COL24A1: variants seen among roughly 807,000 people sequenced by gnomAD.
COL24A1 encodes collagen type XXIV alpha 1 chain, also known as collagen alpha-1(XXIV) chain.
Under a neutral mutation model 253.9 loss-of-function variants are expected in COL24A1, and 224 were observed. The ratio of observed to expected loss-of-function variants is 0.88; its 90% CI spans 0.79 to 0.99. The LOEUF is 0.99. COL24A1 is among the 50% of genes least tolerant of loss of function. The pLI is 0.00. For missense variants in COL24A1, 2,131 were observed against 2,068.5 expected (o/e 1.03, Z -0.59); for synonymous variants, 685 against 673.7 (o/e 1.02, Z -0.26).
intron 46 of COL24A1, among the ~76,000 whole-genome samples, chr1:85,817,325 T>A (rs186711702): frequency 6.6e-6 from 1 of 152,360 alleles, no homozygotes; most frequent in Non-Finnish European, 1.5e-5. Context: ...GCTGCCACTT[T>A]GAATCAGATA....
chr1:85,788,083 T>C (rs1346079224), intron 47 of COL24A1, among the ~76,000 whole-genome samples: 1 of 152,096 alleles, frequency 6.6e-6, no homozygotes, highest in Non-Finnish European at 1.5e-5. Flanking sequence ...TTTTTTAATT[T>C]TAATTTTATT....
At chr1:86,017,307 TATC>T in intron 18 of COL24A1, 103 bp from the exon 19 acceptor site, 1 of 1,011,836 alleles carries the variant, frequency 9.9e-7, no homozygotes, top group South Asian at 1.7e-5. Flanking sequence ...GTCATTATAT[TATC>T]ATGTCAAACA....
At chr1:85,774,179 T>C (rs946717809) in intron 53 of COL24A1, among the ~76,000 whole-genome samples, 3 of 152,186 alleles carry the variant, frequency 2.0e-5, no homozygotes, top group Admixed American at 2.0e-4. Context: ...TGCTTATTAA[T>C]TTGCGTATGT....
intron 31 of COL24A1, among the ~76,000 whole-genome samples, chr1:85,895,594 AAT>A (rs1683591694): frequency 6.6e-6 from 1 of 152,156 alleles, no homozygotes; most frequent in Admixed American, 6.5e-5. Context: ...CAAATAAAAC[AAT>A]GACCCAATGA....
chr1:85,763,887 A>G (rs1667093802), intron 53 of COL24A1, among the ~76,000 whole-genome samples: 1 of 152,176 alleles, frequency 6.6e-6, no homozygotes, highest in African/African-American at 2.4e-5. Context: ...TGAAAACAAG[A>G]TTCTCTTTTC....
chr1:85,868,419 G>C, intron 37 of COL24A1, 100 bp downstream of exon 37: 1 of 728,968 alleles, frequency 1.4e-6, no homozygotes, highest in Non-Finnish European at 2.3e-6. Context: ...ATTATCCACT[G>C]GATATATAAG....
At chr1:85,812,525 C>A (rs557468669) in intron 47 of COL24A1, among the ~76,000 whole-genome samples, 58 of 152,168 alleles carry the variant, frequency 3.8e-4, no homozygotes, top group African/African-American at 1.3e-3. Context: ...GCTTGAGATA[C>A]GGATCTACAT....
chr1:86,122,145 T>G (rs755852545), intron 3 of COL24A1, among the ~76,000 whole-genome samples: 4 of 152,012 alleles, frequency 2.6e-5, no homozygotes, highest in Non-Finnish European at 4.4e-5. Flanking sequence ...CAACAATGAC[T>G]TCTTCATCAA....
chr1:86,013,991 G>A (rs1696773563), intron 19 of COL24A1, among the ~76,000 whole-genome samples: 1 of 152,172 alleles, frequency 6.6e-6, no homozygotes, highest in Non-Finnish European at 1.5e-5. Context: ...TTACTCTTGA[G>A]ATTTAGTTTC....
chr1:86,076,721 T>C (rs1419468337), intron 7 of COL24A1, among the ~76,000 whole-genome samples: 1 of 152,056 alleles, frequency 6.6e-6, no homozygotes, highest in East Asian at 1.9e-4. Flanking sequence ...TTGACAAACC[T>C]GACAAAAACA....
chr1:85,788,345 C>T (rs1020831161), intron 47 of COL24A1, among the ~76,000 whole-genome samples: 7 of 152,132 alleles, frequency 4.6e-5, no homozygotes, highest in African/African-American at 1.7e-4. Context: ...CCCATCTCGG[C>T]CTCCCAAAGT....
intron 47 of COL24A1, among the ~76,000 whole-genome samples, chr1:85,809,294 T>C (rs1672295877): frequency 6.6e-6 from 1 of 152,202 alleles, no homozygotes; most frequent in South Asian, 2.1e-4. Context: ...TTGTGGGCTT[T>C]AATTAGTCTT....
chr1:85,914,015 T>C (rs769370231), intron 24 of COL24A1, among the ~76,000 whole-genome samples: 2 of 152,202 alleles, frequency 1.3e-5, no homozygotes, highest in South Asian at 2.1e-4. Flanking sequence ...CCCTGGTTCA[T>C]AGATGGCAGA....
At position 85,784,131 on chromosome 1, in the gene COL24A1, T is replaced by C. The variant is rs1260357520; in HGVS notation, c.4203A>G (p.Gln1401=). The C allele has an allele frequency of 6.2e-7, 1 of 1,613,532 alleles. No individual in the cohort carries two copies. Among genetic ancestry groups the C allele is most frequent in the Non-Finnish European group, 8.5e-7 (1 of 1,179,608 alleles). The change falls in exon 50 of 60, where the codon CAA becomes CAG. Residue 1401 remains glutamine (Q), a synonymous_variant. Coordinates refer to ENST00000370571, the MANE Select transcript of COL24A1 (RefSeq NM_152890.7). ...EYGVQGLTGF[Q]GFPGPKGPEG... is the part of the protein sequence containing the mutation. Reference sequence around the variant, plus strand: ...AACATACTTTAGGGCCTGGGAATCCTTGGAAACCTGTCAAACCTTGAACAC... The same window carrying C: ...AACATACTTTAGGGCCTGGGAATCCCTGGAAACCTGTCAAACCTTGAACAC...
At chr1:85,807,931 G>A (rs1558201916) in intron 47 of COL24A1, among the ~76,000 whole-genome samples, 1 of 152,152 alleles carries the variant, frequency 6.6e-6, no homozygotes, top group African/African-American at 2.4e-5. Flanking sequence ...GGAAGCTTAC[G>A]AGGGTCAAGT....
intron 55 of COL24A1, among the ~76,000 whole-genome samples, chr1:85,754,955 A>G (rs997772794): frequency 6.6e-6 from 1 of 152,204 alleles, no homozygotes; most frequent in Non-Finnish European, 1.5e-5. Context: ...TGATGCAAAA[A>G]TATTAACCTA....
chr1:86,050,299 G>A (rs192353071), intron 10 of COL24A1, 122 bp from the exon 11 acceptor site: 15 of 605,242 alleles, frequency 2.5e-5, no homozygotes, highest in South Asian at 3.8e-5. Context: ...TTACAAGTGC[G>A]AATAACTTCC....
At chr1:85,933,090 AAAAAAAAAAAAGAAAGAAAG>A (rs1314689783) in intron 24 of COL24A1, among the ~76,000 whole-genome samples, 4 of 67,532 alleles carry the variant, frequency 5.9e-5, no homozygotes, top group African/African-American at 1.1e-4. Flanking sequence ...AGTATAATAA[AAAAAAAAAAAAGAAAGAAAG>A]AAAAAAAAAA....
At chr1:86,068,272 G>A (rs1701635171) in intron 7 of COL24A1, among the ~76,000 whole-genome samples, 1 of 152,198 alleles carries the variant, frequency 6.6e-6, no homozygotes, top group Non-Finnish European at 1.5e-5. Context: ...AAGAGATACA[G>A]TCTTAAATAG....
Sources: gnomAD v4.1 joint callset for allele counts (sites outside exome capture counted in the v4.1 genomes callset) on GRCh38, gnomAD v4.1.1 for gene constraint, MANE v1.5 for transcripts, NCBI Gene and HGNC (gene_info 2026-07-23, HGNC 2026-07-21) for gene names.